ASAP3: variants seen among roughly 807,000 people sequenced by gnomAD.
ASAP3 encodes the protein ArfGAP with SH3 domain, ankyrin repeat and PH domain 3.
ASAP3 carries 85 observed loss-of-function variants against 118.2 expected under a neutral mutation model. That is an observed-to-expected ratio of 0.72 (90% confidence interval 0.60 to 0.86). The LOEUF is 0.86. Ranked by LOEUF, ASAP3 falls within the 40% of genes least tolerant of loss-of-function variation. The pLI, the probability that ASAP3 is intolerant of heterozygous loss-of-function variation, is 0.00. For missense variants in ASAP3, 1,026 were observed against 1,175.0 expected, an observed-to-expected ratio of 0.87 and a Z score of 1.85; for synonymous variants, 432 against 477.4, an observed-to-expected ratio of 0.90 and a Z score of 1.24.
intron 1 of ASAP3, among the ~76,000 whole-genome samples, chr1:23,472,349 C>T (rs1180166671): frequency 2.0e-5 from 3 of 152,128 alleles, no homozygotes; most frequent in Non-Finnish European, 1.5e-5. Flanking sequence ...GTTTTGTTTT[C>T]GTAGAGACAG....
At chr1:23,434,714 C>G (rs1309407361) in intron 17 of ASAP3, 96 bp from the exon 18 acceptor site, 3 of 1,211,250 alleles carry the variant, frequency 2.5e-6, no homozygotes, top group African/African-American at 3.0e-5. Context: ...CCTTATCCCC[C>G]CATAGGAAGC....
At chr1:23,432,707 TG>T (rs1640483373) in intron 22 of ASAP3, among the ~76,000 whole-genome samples, 1 of 152,236 alleles carries the variant, frequency 6.6e-6, no homozygotes, top group Non-Finnish European at 1.5e-5. Context: ...CATTGTGCCT[TG>T]TATTATAATG....
Position 23,438,686 on chromosome 1 carries a change from C to G in ASAP3, c.1102+61G>C, listed in dbSNP as rs1787648. The G allele has an allele frequency of 2.3e-5, 35 of 1,506,330 alleles. No individual in the cohort carries two copies. The highest frequency in any genetic ancestry group is 2.9e-5 in the Non-Finnish European group (31 of 1,084,794). The allele number at this position is 1,506,330 out of a possible 1,614,324, so 93.3% of individuals were successfully genotyped here. A position where few individuals can be genotyped will look rare whatever the true frequency, so the allele number is the denominator to read the frequency against. On this transcript the variant is annotated intron_variant, in intron 12 of 24. Coordinates refer to ENST00000336689, the MANE Select transcript of ASAP3 (RefSeq NM_017707.4). This position sits in a 1 kb window ranked among gnomAD's most constrained non-coding sequence, Gnocchi z 4.9. ...CTCACTGAAGCCCCCCGGGAGCTGACAGGTGTCTTAGAGAAGCCCTGAGCA... is the reference window on the plus strand; with the variant it reads ...CTCACTGAAGCCCCCCGGGAGCTGAGAGGTGTCTTAGAGAAGCCCTGAGCA...
chr1:23,435,731 T>C, intron 17 of ASAP3, 120 bp downstream of exon 17: 1 of 1,158,668 alleles, frequency 8.6e-7, no homozygotes, highest in Non-Finnish European at 1.3e-6. Context: ...ACCACTCTGA[T>C]GGGTGAGATC....
chr1:23,453,153 G>A (rs986539749), intron 3 of ASAP3, among the ~76,000 whole-genome samples: 25 of 152,128 alleles, frequency 1.6e-4, no homozygotes, highest in East Asian at 7.7e-4. Flanking sequence ...CCTGTTCCTC[G>A]CCAGGAGCAG....
Position 23,438,938 on chromosome 1 carries a change from C to A in ASAP3, c.1015-104G>T. ...TTAAATGGGCATAATCATCCTGTTC[C>A]ATTTGTGTTTCTCCTCACCCAGCAG... is the stretch of plus-strand genomic sequence containing the variant. On this transcript the variant is annotated intron_variant, in intron 11 of 24. Transcript: ENST00000336689. The surrounding 1 kb of genome is among the most constrained non-coding windows in gnomAD (Gnocchi z 4.9). 1 of 1,286,464 alleles carries A rather than the reference C, an allele frequency of 7.8e-7. No homozygotes were observed. Among genetic ancestry groups the A allele is most frequent in the Non-Finnish European group, 1.1e-6 (1 of 900,434 alleles). The allele number at this position is 1,286,464 out of a possible 1,614,324, so 79.7% of individuals were successfully genotyped here. A position where few individuals can be genotyped will look rare whatever the true frequency, so the allele number is the denominator to read the frequency against.
Position 23,452,785 on chromosome 1 carries a change from A to T in ASAP3, c.349-14T>A. 2 of 1,613,734 alleles carry T rather than the reference A, an allele frequency of 1.2e-6. No individual in the cohort carries two copies. The highest frequency in any genetic ancestry group is 1.3e-5 in the African/African-American group (1 of 75,024). The stretch of plus-strand genomic sequence containing the variant: ...CAAGTTCTGAATCTGGAAAAAACAG[A>T]GACGCTCATTCCCGCCTCAGGTGAC... On this transcript the variant is annotated splice_polypyrimidine_tract_variant and intron_variant, in intron 3 of 24. Transcript: ENST00000336689.
chr1:23,433,414 C>T lies in ASAP3; in HGVS notation c.2127+11G>A, dbSNP rs757809838. The T allele has an allele frequency of 1.9e-6, 3 of 1,614,172 alleles. No individual in the cohort carries two copies. The Admixed American group carries it at 5.0e-5, about 27-fold the overall frequency. ...CCATCCAGAGGCCTGAGGGACAGGG[C>T]TGGGACCCACCTTCTCTTCCTCATC... On this transcript the variant is annotated intron_variant, in intron 21 of 24. Coordinates refer to ENST00000336689, the MANE Select transcript of ASAP3 (RefSeq NM_017707.4).
intron 1 of ASAP3, among the ~76,000 whole-genome samples, chr1:23,465,273 C>A (rs879361057): frequency 2.0e-4 from 31 of 152,352 alleles, no homozygotes; most frequent in South Asian, 2.1e-4. Context: ...TGTGGGGAAG[C>A]ACAGGTGGAG....
rs757389848 is a variant in ASAP3 at position 23,436,526 on chromosome 1, G to A, written c.1571+34C>T. 1.2e-6 allele frequency: 2 copies of A among 1,608,250 alleles called. No individual in the cohort carries two copies. The highest frequency in any genetic ancestry group is 2.2e-5 in the South Asian group (2 of 90,950). ...GACACTGCGGAGGCAGAATCCCCTAGGCAGGGTGCCCCTCTCTCTGAGAAT... is the reference window on the plus strand; with the variant it reads ...GACACTGCGGAGGCAGAATCCCCTAAGCAGGGTGCCCCTCTCTCTGAGAAT... On this transcript the variant is annotated intron_variant, in intron 16 of 24. Coordinates refer to ENST00000336689, the MANE Select transcript of ASAP3 (RefSeq NM_017707.4). This position sits in a 1 kb window ranked among gnomAD's most constrained non-coding sequence, Gnocchi z 4.2.
intron 19 of ASAP3, among the ~76,000 whole-genome samples, chr1:23,433,955 C>T (rs1167325580): frequency 6.6e-6 from 1 of 152,210 alleles, no homozygotes; most frequent in East Asian, 1.9e-4. Flanking sequence ...CATTGCCAGG[C>T]ATATGTTAAA....
rs199601428 is a variant in ASAP3, at chr1:23,436,066, G to A, written c.1572-38C>T. ...ACCACAGGATCTCAGAGCATGGACC[G>A]TGTCTGCCCAGCTGATCCCTGGGGC... is the stretch of plus-strand genomic sequence containing the variant. On this transcript the variant is annotated intron_variant, in intron 16 of 24. Transcript: ENST00000336689. The surrounding 1 kb of genome is among the most constrained non-coding windows in gnomAD (Gnocchi z 4.2). The A allele has an allele frequency of 5.2e-5, 84 of 1,607,076 alleles. No homozygotes were observed. Among genetic ancestry groups the A allele is most frequent in the East Asian group, 2.7e-4 (12 of 44,776 alleles).
upstream of ASAP3, chr1:23,484,379 G>C (rs1296475640): frequency 3.3e-6 from 1 of 306,502 alleles, no homozygotes; most frequent in Non-Finnish European, 5.6e-6. Context: ...CCCGCACCGC[G>C]TCAGGCCGCT....
At chr1:23,463,208 C>A (rs779490284) in intron 1 of ASAP3, among the ~76,000 whole-genome samples, 6 of 152,096 alleles carry the variant, frequency 3.9e-5, no homozygotes, top group Admixed American at 2.0e-4. Flanking sequence ...AAGAGAACCA[C>A]AGACTTAAGA....
intron 10 of ASAP3, among the ~76,000 whole-genome samples, chr1:23,440,854 T>TCA (rs1198631712): frequency 1.7e-5 from 1 of 57,760 alleles, no homozygotes; most frequent in Non-Finnish European, 3.6e-5. Flanking sequence ...AGACTCTATC[T>TCA]CAAAAAAAAA....
At chr1:23,442,131 G>T in intron 7 of ASAP3, 55 bp downstream of exon 7, 17 of 1,525,704 alleles carry the variant, frequency 1.1e-5, no homozygotes, top group Non-Finnish European at 1.4e-5. Flanking sequence ...CTTGAGAGGG[G>T]CCTTGTTCTG....
At chr1:23,482,654 A>G (rs930778749) in intron 1 of ASAP3, among the ~76,000 whole-genome samples, 2 of 152,192 alleles carry the variant, frequency 1.3e-5, no homozygotes, top group African/African-American at 4.8e-5. Flanking sequence ...AGCGTTTGAA[A>G]AAAGGTCTGC....
intron 10 of ASAP3, 42 bp from the exon 11 acceptor site, chr1:23,439,272 C>A: frequency 1.3e-6 from 2 of 1,597,870 alleles, no homozygotes; most frequent in Non-Finnish European, 1.7e-6. Context: ...CCAAGGCTCA[C>A]ACCTAGTTCG....
chr1:23,431,736 C>G lies in ASAP3; in HGVS notation c.2506G>C (p.Gly836Arg), dbSNP rs896085148. Residue 836 changes from glycine to arginine, a missense_variant, in exon 23 of 25, where the codon GGG becomes CGG. Gly to Arg is a moderately radical substitution (Grantham distance 125). Transcript: ENST00000336689. ...AGGTACATCTCCGAAGGGGTGGTCC[C>G]GGATGTCAGGCTGGGTCTGGAGGTG... ...PGTSRPSLTSGTTPSEMYLPV... is the reference protein window; with the variant it reads ...PGTSRPSLTSRTTPSEMYLPV... The G allele has an allele frequency of 8.5e-6, 13 of 1,521,502 alleles. No individual in the cohort carries two copies. Among genetic ancestry groups the G allele is most frequent in the Non-Finnish European group, 1.1e-5 (13 of 1,140,236 alleles). The allele number at this position is 1,521,502 out of a possible 1,614,324, so 94.3% of individuals were successfully genotyped here. A position where few individuals can be genotyped will look rare whatever the true frequency, so the allele number is the denominator to read the frequency against.
Sources: allele counts gnomAD v4.1 joint callset (sites outside exome capture counted in the v4.1 genomes callset), GRCh38; gene constraint gnomAD v4.1.1; non-coding constraint Gnocchi (gnomAD v3.1); transcripts MANE v1.5; gene names NCBI Gene and HGNC (gene_info 2026-07-23, HGNC 2026-07-21).